ARHGAP15: variants seen among roughly 807,000 people sequenced by gnomAD.
ARHGAP15 encodes the protein rho GTPase-activating protein 15.
In ARHGAP15, 51 loss-of-function variants were observed where a neutral mutation model predicts 63.7. The observed-to-expected ratio is 0.80, with a 90% CI of 0.64 to 1.01. The LOEUF (loss-of-function observed/expected upper bound fraction) is 1.01. ARHGAP15 is among the 50% of genes least tolerant of loss of function. The pLI is 0.00. For synonymous variants in ARHGAP15, 191 were observed against 193.8 expected, an observed-to-expected ratio of 0.99 and a Z score of 0.12; for missense variants, 560 against 564.6, an observed-to-expected ratio of 0.99 and a Z score of 0.08.
chr2:143,174,359 T>G (rs1690923846), intron 2 of ARHGAP15, among the ~76,000 whole-genome samples: 1 of 152,128 alleles, frequency 6.6e-6, no homozygotes, highest in African/African-American at 2.4e-5. Context: ...GAAAAGACTT[T>G]GATCACCACC....
intron 10 of ARHGAP15, among the ~76,000 whole-genome samples, chr2:143,548,693 G>A (rs899590242): frequency 2.0e-5 from 3 of 151,752 alleles, no homozygotes; most frequent in Non-Finnish European, 4.4e-5. Flanking sequence ...AATCAAAAAT[G>A]AGCCAATAAA....
intron 10 of ARHGAP15, among the ~76,000 whole-genome samples, chr2:143,542,789 A>G (rs1192919627): frequency 1.6e-5 from 2 of 126,602 alleles, no homozygotes; most frequent in Admixed American, 8.5e-5. Context: ...TGATATATAT[A>G]ATATCACATA....
chr2:143,700,687 AGTGT>A (rs377690137), intron 12 of ARHGAP15, among the ~76,000 whole-genome samples: 174 of 147,140 alleles, frequency 1.2e-3, no homozygotes, highest in African/African-American at 4.1e-3. Context: ...TATATATATG[AGTGT>A]GTGTGTGTGT....
At chr2:143,342,719 G>C (rs1280054215) in intron 6 of ARHGAP15, among the ~76,000 whole-genome samples, 1 of 152,010 alleles carries the variant, frequency 6.6e-6, no homozygotes, top group Admixed American at 6.6e-5. Flanking sequence ...GGTTCTGGAT[G>C]AGGCAAAATT....
intron 13 of ARHGAP15, among the ~76,000 whole-genome samples, chr2:143,718,473 T>C (rs934659233): frequency 3.9e-5 from 6 of 152,320 alleles, no homozygotes; most frequent in South Asian, 2.1e-4. Flanking sequence ...TGGTCTATAA[T>C]TTTTCCCCAG....
chr2:143,271,917 A>C (rs577251912), intron 6 of ARHGAP15, among the ~76,000 whole-genome samples: 25 of 152,390 alleles, frequency 1.6e-4, no homozygotes, highest in Non-Finnish European at 3.1e-4. Context: ...TTCAAGAATT[A>C]AATTGAAATG....
intron 11 of ARHGAP15, chr2:143,587,781 C>T (rs747250279): frequency 3.2e-5 from 15 of 468,312 alleles, no homozygotes; most frequent in Non-Finnish European, 5.7e-5. Flanking sequence ...CATTTGACCT[C>T]CAGAGCAAGC....
intron 12 of ARHGAP15, among the ~76,000 whole-genome samples, chr2:143,656,401 A>G (rs889747498): frequency 3.3e-5 from 5 of 152,216 alleles, no homozygotes; most frequent in Non-Finnish European, 7.3e-5. Flanking sequence ...TGGGCAGTCT[A>G]ATTAGGCTAG....
chr2:143,682,937 C>T (rs1683171012), intron 12 of ARHGAP15: 1 of 152,148 alleles, frequency 6.6e-6, no homozygotes, highest in Non-Finnish European at 1.5e-5. Context: ...ATTTTCAGTG[C>T]AACTGAATAC....
intron 8 of ARHGAP15, among the ~76,000 whole-genome samples, chr2:143,451,154 G>A (rs1690390140): frequency 6.6e-6 from 1 of 151,792 alleles, no homozygotes; most frequent in African/African-American, 2.4e-5. Context: ...AGCAGGGACG[G>A]AAATAAACCT....
At chr2:143,625,405 T>G (rs1425636436) in intron 12 of ARHGAP15, among the ~76,000 whole-genome samples, 1 of 152,090 alleles carries the variant, frequency 6.6e-6, no homozygotes, top group African/African-American at 2.4e-5. Flanking sequence ...AAAGAAGAAA[T>G]TTCTCTCCCA....
rs1196348024 is a variant in ARHGAP15 at position 143,260,056 on chromosome 2, A to G, written c.474+9456A>G. ...AGAAATAATATAATTTAGAATGTCAAAAAAGAAAATGTACAGAGGTTCATA... is the reference window on the plus strand; with the variant it reads ...AGAAATAATATAATTTAGAATGTCAGAAAAGAAAATGTACAGAGGTTCATA... On this transcript the variant is annotated intron_variant, in intron 6 of 13. Transcript: ENST00000295095. Among the ~76,000 whole-genome samples, 4 of 152,164 alleles carry G rather than the reference A, an allele frequency of 2.6e-5. No homozygotes were observed. The East Asian group carries it at 7.7e-4, about 29-fold the overall frequency.
intron 12 of ARHGAP15, among the ~76,000 whole-genome samples, chr2:143,646,052 A>G (rs1002844354): frequency 6.6e-6 from 1 of 152,060 alleles, no homozygotes; most frequent in Non-Finnish European, 1.5e-5. Context: ...AGCACGCACT[A>G]ATGTTGAAAG....
intron 2 of ARHGAP15, among the ~76,000 whole-genome samples, chr2:143,167,764 TTACCATCAA>T (rs1160589729): frequency 6.6e-6 from 1 of 152,124 alleles, no homozygotes; most frequent in African/African-American, 2.4e-5. Context: ...TAAACAGGGG[TTACCATCAA>T]GTGGTGGCTC....
At chr2:143,445,239 C>A (rs1690083637) in intron 8 of ARHGAP15, among the ~76,000 whole-genome samples, 1 of 128,280 alleles carries the variant, frequency 7.8e-6, no homozygotes, top group Non-Finnish European at 1.6e-5. Flanking sequence ...TGGCTCACTA[C>A]AACCTCCGCC....
intron 9 of ARHGAP15, among the ~76,000 whole-genome samples, chr2:143,511,700 T>A (rs1228249043): frequency 6.6e-6 from 1 of 152,156 alleles, no homozygotes; most frequent in Admixed American, 6.5e-5. Flanking sequence ...CAGAATGCCT[T>A]TTCTCTCCCT....
intron 12 of ARHGAP15, among the ~76,000 whole-genome samples, chr2:143,635,645 A>C (rs1680272822): frequency 6.6e-6 from 1 of 152,144 alleles, no homozygotes; most frequent in Non-Finnish European, 1.5e-5. Context: ...ATGTTGGAAC[A>C]GTGGAATATC....
Position 143,545,750 on chromosome 2 carries a change from T to G in ARHGAP15, c.926-10658T>G, listed in dbSNP as rs575693663. On this transcript the variant is annotated intron_variant, in intron 10 of 13. Transcript: ENST00000295095. ...ATAATTCGCTACATCACAATTGGGA[T>G]TTTTTTTTCCTACGTCTTCAGCAGT... Among the ~76,000 whole-genome samples the G allele has an allele frequency of 3.3e-5, 5 of 151,816 alleles. No homozygotes were observed. In the East Asian group the frequency reaches 5.8e-4, roughly 18 times the overall value.
rs539910509 is a variant in ARHGAP15, at chr2:143,492,804, C to T, written c.826+5309C>T. On this transcript the variant is annotated intron_variant, in intron 9 of 13. Transcript: ENST00000295095. The stretch of plus-strand genomic sequence containing the variant: ...GGGCGTGGTGGCTCACGCCTGTAAT[C>T]CCAGCACTTTGGGAGGCAGAGGCGG... Among the ~76,000 whole-genome samples, 4 of 151,646 alleles carry T rather than the reference C, an allele frequency of 2.6e-5. No homozygotes were observed. In the East Asian group the frequency reaches 7.8e-4, roughly 30 times the overall value.
Sources: gnomAD v4.1 joint callset for allele counts (sites outside exome capture counted in the v4.1 genomes callset) on GRCh38, gnomAD v4.1.1 for gene constraint, MANE v1.5 for transcripts, NCBI Gene and HGNC (gene_info 2026-07-23, HGNC 2026-07-21) for gene names.